Variants in CRTC3 observed in about 807,000 individuals in gnomAD.
The protein encoded by CRTC3 is CREB-regulated transcription coactivator 3.
Under a neutral mutation model 74.5 loss-of-function variants are expected in CRTC3, and 26 were observed. The observed-to-expected ratio is 0.35, with a 90% CI of 0.26 to 0.48. The LOEUF (loss-of-function observed/expected upper bound fraction) is 0.48. Among genes scored for constraint, CRTC3 ranks in the 20% least tolerant of loss-of-function variants. The pLI, the probability that CRTC3 is intolerant of heterozygous loss-of-function variation, is 0.99. For missense variants in CRTC3, 760 were observed against 787.3 expected (o/e 0.97, Z 0.41); for synonymous variants, 377 against 325.8 (o/e 1.16, Z -1.69).
chr15:90,564,438 A>G (rs548547035), intron 2 of CRTC3, among the ~76,000 whole-genome samples: 4 of 152,284 alleles, frequency 2.6e-5, no homozygotes, highest in African/African-American at 9.6e-5. Context: ...GAACTACTGA[A>G]GCTGTTCAGA....
intron 2 of CRTC3, among the ~76,000 whole-genome samples, chr15:90,573,694 A>G (rs901668577): frequency 2.6e-5 from 4 of 151,744 alleles, no homozygotes; most frequent in African/African-American, 9.7e-5. Flanking sequence ...TCAGTATATT[A>G]TTGTAACTTT....
chr15:90,547,006 TC>T, intron 2 of CRTC3, among the ~76,000 whole-genome samples: 1 of 152,362 alleles, frequency 6.6e-6, no homozygotes, highest in East Asian at 1.9e-4. Flanking sequence ...TATGGAGTCT[TC>T]CACGAAGAAG....
intron 9 of CRTC3, among the ~76,000 whole-genome samples, chr15:90,621,354 G>A (rs1183236704): frequency 2.6e-5 from 4 of 151,958 alleles, no homozygotes. Flanking sequence ...ATGGAGTATC[G>A]CTCTGTCGCT....
chr15:90,615,058 G>A (rs987447139), intron 7 of CRTC3, among the ~76,000 whole-genome samples: 11 of 149,126 alleles, frequency 7.4e-5, no homozygotes, highest in Middle Eastern at 3.4e-3. Context: ...GCGAGACTCC[G>A]TCTAAAAATA....
chr15:90,598,412 G>C (rs1287182693), intron 3 of CRTC3: 2 of 702,798 alleles, frequency 2.8e-6, no homozygotes, highest in Non-Finnish European at 5.2e-6. Context: ...CCCTTCCTTT[G>C]GTGAAGAGTA....
chr15:90,532,544 C>G (rs907613483), intron 1 of CRTC3, among the ~76,000 whole-genome samples: 9 of 152,316 alleles, frequency 5.9e-5, no homozygotes, highest in Admixed American at 4.6e-4. Context: ...GATGCTCTTT[C>G]CCCTCTGAGC....
chr15:90,613,999 T>C (rs117153222), intron 6 of CRTC3: 2,015 of 153,420 alleles, frequency 0.013, 32 homozygotes, highest in Middle Eastern at 0.027. Flanking sequence ...AAGAAATATA[T>C]ATAATATCCT....
At chr15:90,560,827 C>T (rs1331867267) in intron 2 of CRTC3, among the ~76,000 whole-genome samples, 1 of 152,210 alleles carries the variant, frequency 6.6e-6, no homozygotes, top group Non-Finnish European at 1.5e-5. Context: ...GTGGAGATGT[C>T]TCACATAAGA....
intron 11 of CRTC3, among the ~76,000 whole-genome samples, chr15:90,633,326 T>C (rs1969112582): frequency 6.6e-6 from 1 of 152,250 alleles, no homozygotes; most frequent in Non-Finnish European, 1.5e-5. Flanking sequence ...AATTCTCTAG[T>C]AGCTCTATAG....
chr15:90,549,704 CT>C (rs11322295), intron 2 of CRTC3, among the ~76,000 whole-genome samples: 80,592 of 109,846 alleles, frequency 0.73, 27,958 homozygotes, highest in Middle Eastern at 0.85. Flanking sequence ...TATTCTTTTT[CT>C]TTTTTTTTTT....
intron 2 of CRTC3, among the ~76,000 whole-genome samples, chr15:90,580,843 G>C (rs1297654649): frequency 6.6e-6 from 1 of 152,054 alleles, no homozygotes; most frequent in Non-Finnish European, 1.5e-5. Context: ...TGGTTTCAGG[G>C]ACCAGTTCTT....
chr15:90,622,687 C>T (rs1049423621), intron 9 of CRTC3, among the ~76,000 whole-genome samples: 1 of 152,020 alleles, frequency 6.6e-6, no homozygotes, highest in Non-Finnish European at 1.5e-5. Flanking sequence ...CCTGTCTCTA[C>T]TAAAAATACA....
intron 9 of CRTC3, chr15:90,620,072 A>C: frequency 2.7e-6 from 1 of 366,500 alleles, no homozygotes; most frequent in South Asian, 3.0e-5. Context: ...GGGTAGAAGC[A>C]GTGTCAGAAG....
At chr15:90,635,408 G>A (rs1375080429) in intron 11 of CRTC3, among the ~76,000 whole-genome samples, 1 of 152,112 alleles carries the variant, frequency 6.6e-6, no homozygotes, top group African/African-American at 2.4e-5. Context: ...ACTTTGGGAG[G>A]CCGAGGCGGG....
intron 2 of CRTC3, among the ~76,000 whole-genome samples, chr15:90,581,190 ACT>A (rs879447438): frequency 1.3e-5 from 2 of 152,086 alleles, no homozygotes; most frequent in Non-Finnish European, 2.9e-5. Context: ...ATCATTCCAA[ACT>A]CTGTGGCTTA....
intron 11 of CRTC3, among the ~76,000 whole-genome samples, chr15:90,633,240 T>C (rs1408747248): frequency 2.0e-5 from 3 of 146,670 alleles, no homozygotes; most frequent in African/African-American, 8.2e-5. Flanking sequence ...GTTATCTATA[T>C]GTATCTATGT....
intron 2 of CRTC3, among the ~76,000 whole-genome samples, chr15:90,567,345 C>T (rs1422466910): frequency 6.6e-6 from 1 of 152,084 alleles, no homozygotes; most frequent in East Asian, 1.9e-4. Flanking sequence ...CAAAATATTG[C>T]TGCTCAATTC....
chr15:90,634,288 A>ATTTT (rs1230189661), intron 11 of CRTC3, among the ~76,000 whole-genome samples: 1 of 151,596 alleles, frequency 6.6e-6, no homozygotes, highest in Non-Finnish European at 1.5e-5. Flanking sequence ...AATTTTTGTA[A>ATTTT]TTTTTAGTAG....
chr15:90,534,127 G>T (rs1454019023), intron 1 of CRTC3, among the ~76,000 whole-genome samples: 1 of 152,148 alleles, frequency 6.6e-6, no homozygotes, highest in East Asian at 1.9e-4. Context: ...TTTAGTAGGA[G>T]ATGTGATAGT....
Sources: allele counts gnomAD v4.1 joint callset (sites outside exome capture counted in the v4.1 genomes callset), GRCh38; gene constraint gnomAD v4.1.1; transcripts MANE v1.5; gene names NCBI Gene and HGNC (gene_info 2026-07-23, HGNC 2026-07-21).